SLC66A2: variants seen among roughly 807,000 people sequenced by gnomAD.
SLC66A2 encodes the protein PQ loop repeat containing 1.
Under a neutral mutation model 25.5 loss-of-function variants are expected in SLC66A2, and 23 were observed. The observed-to-expected ratio is 0.90, with a 90% confidence interval of 0.65 to 1.28. The LOEUF (loss-of-function observed/expected upper bound fraction) is 1.28, where lower values mean the gene tolerates loss of function less well. Among genes scored for constraint, SLC66A2 ranks in the 50% most tolerant of loss-of-function variants. The probability of loss-of-function intolerance (pLI) is 0.00; values close to 1 mark genes in which losing one functional copy is unlikely to be tolerated. For synonymous variants in SLC66A2, 193 were observed against 166.5 expected (o/e 1.16, Z -1.23); for missense variants, 396 against 373.1 (o/e 1.06, Z -0.51).
At chr18:79,948,702 G>T (rs905958047) in intron 2 of SLC66A2, among the ~76,000 whole-genome samples, 1 of 152,074 alleles carries the variant, frequency 6.6e-6, no homozygotes, top group Non-Finnish European at 1.5e-5. Flanking sequence ...ACCTCTAAGC[G>T]GAACTTCTTT....
At position 79,912,256 on chromosome 18, in the gene SLC66A2, G is replaced by A. The variant is rs1006716361; in HGVS notation, c.608+6928C>T. 2.0e-5 allele frequency among the ~76,000 whole-genome samples: 3 copies of A among 152,084 alleles called. No individual in the cohort carries two copies. In the East Asian group the frequency reaches 5.8e-4, roughly 29 times the overall value. On this transcript the variant is annotated intron_variant, in intron 5 of 5. Transcript: ENST00000397778. Reference sequence around the variant, plus strand: ...CAACCGGCGATTCCACCCCCAGGTAGAAGGGAAAACTACGTCCACATAAAA... The same window carrying A: ...CAACCGGCGATTCCACCCCCAGGTAAAAGGGAAAACTACGTCCACATAAAA...
chr18:79,951,424 G>A (rs1305414471), intron 1 of SLC66A2, among the ~76,000 whole-genome samples, 157 bp downstream of exon 1: 1 of 151,476 alleles, frequency 6.6e-6, no homozygotes, highest in African/African-American at 2.4e-5. Context: ...CGCAGGCCCA[G>A]GATGGGGGCG....
intron 5 of SLC66A2, among the ~76,000 whole-genome samples, chr18:79,912,064 GGATGGC>G (rs1983268932): frequency 3.0e-5 from 4 of 131,426 alleles, no homozygotes; most frequent in South Asian, 2.7e-4. Flanking sequence ...TAGCAGGAGG[GGATGGC>G]AGCAGGGAGG....
intron 1 of SLC66A2, among the ~76,000 whole-genome samples, chr18:79,951,307 C>A (rs966009691): frequency 1.3e-5 from 2 of 151,420 alleles, no homozygotes; most frequent in African/African-American, 4.8e-5. Context: ...TCCACGCGCG[C>A]CCCGGGATGG....
At chr18:79,925,507 G>T (rs1332836548) in intron 4 of SLC66A2, among the ~76,000 whole-genome samples, 1 of 152,198 alleles carries the variant, frequency 6.6e-6, no homozygotes, top group African/African-American at 2.4e-5. Context: ...GCTCACCAGA[G>T]GCCCACCCTG....
chr18:79,925,304 C>T (rs1278452206), intron 4 of SLC66A2, among the ~76,000 whole-genome samples: 3 of 152,142 alleles, frequency 2.0e-5, no homozygotes, highest in Non-Finnish European at 4.4e-5. Context: ...GCTCTGAGAA[C>T]AAGAACAAAA....
rs995702072 is a variant in SLC66A2, at chr18:79,918,617, T to A, written c.608+567A>T. The stretch of plus-strand genomic sequence containing the variant: ...AGGACCTTGACTGAGCCCGTGGGCA[T>A]CATGCTGCTCGCGTTGTGCCCTACC... On this transcript the variant is annotated intron_variant, in intron 5 of 5. Transcript: ENST00000397778. This position sits in a 1 kb window ranked among gnomAD's most constrained non-coding sequence, Gnocchi z 4.0. Among the ~76,000 whole-genome samples, 1 of 152,240 alleles carries A rather than the reference T, an allele frequency of 6.6e-6. No homozygotes were observed. The highest frequency in any genetic ancestry group is 1.5e-5 in the Non-Finnish European group (1 of 68,042).
intron 4 of SLC66A2, among the ~76,000 whole-genome samples, chr18:79,933,403 C>T (rs1016340436): frequency 6.6e-5 from 10 of 152,272 alleles, no homozygotes; most frequent in African/African-American, 2.2e-4. Flanking sequence ...CTCTCACCGC[C>T]TATAACCAGG....
At chr18:79,916,069 C>A in intron 5 of SLC66A2, 1 of 217,244 alleles carries the variant, frequency 4.6e-6, no homozygotes, top group South Asian at 4.5e-5. Flanking sequence ...CTCCCATACC[C>A]ACAGCGCTCC....
rs749027238 is a variant in SLC66A2 at position 79,903,974 on chromosome 18, T to G, written c.*2A>C. 6.3e-7 allele frequency: 1 copy of G among 1,596,332 alleles called. No homozygotes were observed. The highest frequency in any genetic ancestry group is 8.5e-7 in the Non-Finnish European group (1 of 1,173,404). On this transcript the variant is annotated 3_prime_UTR_variant, in exon 6 of 6. Transcript: ENST00000397778. ...GGTCCCACATCCTCGTCCTCCCCAC[T>G]GTCAGAGGGCCTTGGTGCCAGTGGG...
In SLC66A2 at chr18:79,917,054, T is replaced by A. The variant is rs1253490736; in HGVS notation, c.608+2130A>T. 6.6e-6 allele frequency among the ~76,000 whole-genome samples: 1 copy of A among 152,040 alleles called. No individual in the cohort carries two copies. Among genetic ancestry groups the A allele is most frequent in the African/African-American group, 2.4e-5 (1 of 41,386 alleles). ...TGTGTGCTGCTTGTGGTGAAGTGAG[T>A]GAGAACAGGAAAAGCACGTCCAATG... On this transcript the variant is annotated intron_variant, in intron 5 of 5. Coordinates refer to ENST00000397778, the MANE Select transcript of SLC66A2 (RefSeq NM_025078.5). The surrounding 1 kb of genome is among the most constrained non-coding windows in gnomAD (Gnocchi z 6.0).
At position 79,919,106 on chromosome 18, in the gene SLC66A2, C is replaced by A. The variant is rs188473343; in HGVS notation, c.608+78G>T. The A allele has an allele frequency of 6.1e-5, 77 of 1,262,890 alleles. No homozygotes were observed. The East Asian group carries it at 8.8e-4, about 14-fold the overall frequency. The allele number at this position is 1,262,890 out of a possible 1,614,324, so 78.2% of individuals were successfully genotyped here. On this transcript the variant is annotated intron_variant, in intron 5 of 5. Transcript: ENST00000397778. ...GGAAATACACAGCCAGACACACAGGCGTTTGATTTTTACCAAATCTGCAGC... is the reference window on the plus strand; with the variant it reads ...GGAAATACACAGCCAGACACACAGGAGTTTGATTTTTACCAAATCTGCAGC...
intron 5 of SLC66A2, among the ~76,000 whole-genome samples, chr18:79,909,435 C>T (rs1335670331): frequency 6.6e-6 from 1 of 152,036 alleles, no homozygotes; most frequent in Non-Finnish European, 1.5e-5. Flanking sequence ...CATCAGAGTA[C>T]CACAGAGTCC....
chr18:79,922,610 C>G (rs1232624817), intron 4 of SLC66A2, among the ~76,000 whole-genome samples: 1 of 152,074 alleles, frequency 6.6e-6, no homozygotes, highest in African/African-American at 2.4e-5. Flanking sequence ...TAAGCACTCT[C>G]AGAAATTAGC....
chr18:79,918,445 G>A lies in SLC66A2; in HGVS notation c.608+739C>T, dbSNP rs1003414339. ...CGGGGGGGGGTCCCCAGTGAGGAGC[G>A]GGCACCGGGGAGGGTCCCCAGTGAG... is the stretch of plus-strand genomic sequence containing the variant. On this transcript the variant is annotated intron_variant, in intron 5 of 5. Coordinates refer to ENST00000397778, the MANE Select transcript of SLC66A2 (RefSeq NM_025078.5). This position sits in a 1 kb window ranked among gnomAD's most constrained non-coding sequence, Gnocchi z 4.0. 2.3e-4 allele frequency among the ~76,000 whole-genome samples: 34 copies of A among 149,136 alleles called. No homozygotes were observed. The highest frequency in any genetic ancestry group is 7.8e-4 in the African/African-American group (31 of 39,828).
At chr18:79,951,366 G>C (rs1299417624) in intron 1 of SLC66A2, among the ~76,000 whole-genome samples, 1 of 151,092 alleles carries the variant, frequency 6.6e-6, no homozygotes, top group Admixed American at 6.6e-5. Flanking sequence ...CTGTTCGGGG[G>C]AGGGTCACAG....
chr18:79,925,618 G>A (rs1985859282), intron 4 of SLC66A2, among the ~76,000 whole-genome samples: 1 of 152,196 alleles, frequency 6.6e-6, no homozygotes, highest in South Asian at 2.1e-4. Flanking sequence ...CCCCCCATGG[G>A]GAGCCCTGTG....
chr18:79,949,281 C>T (rs917287022), intron 2 of SLC66A2, among the ~76,000 whole-genome samples: 14 of 152,186 alleles, frequency 9.2e-5, no homozygotes, highest in South Asian at 2.1e-4. Context: ...CTCATGAACA[C>T]GGGACACCTC....
intron 3 of SLC66A2, among the ~76,000 whole-genome samples, chr18:79,934,294 C>A (rs2277724): frequency 0.37 from 56,074 of 151,984 alleles, 11,606 homozygotes; most frequent in East Asian, 0.48. Flanking sequence ...TTGAAAGTTA[C>A]CACATTTCCA....
Sources: allele counts gnomAD v4.1 joint callset (sites outside exome capture counted in the v4.1 genomes callset), GRCh38; gene constraint gnomAD v4.1.1; non-coding constraint Gnocchi (gnomAD v3.1); transcripts MANE v1.5; gene names NCBI Gene and HGNC (gene_info 2026-07-23, HGNC 2026-07-21).